Variants in NSMCE2 observed in about 807,000 individuals in gnomAD.
NSMCE2 encodes E3 SUMO-protein ligase NSE2.
Under a neutral mutation model 23.8 loss-of-function variants are expected in NSMCE2, and 24 were observed. The observed-to-expected ratio is 1.01, with a 90% CI of 0.73 to 1.42. The LOEUF is 1.42. NSMCE2 is among the 40% of genes most tolerant of loss of function. The pLI is 0.00. For missense variants in NSMCE2, 284 were observed against 296.5 expected (o/e 0.96, Z 0.31); for synonymous variants, 92 against 94.1 (o/e 0.98, Z 0.13).
intron 5 of NSMCE2, among the ~76,000 whole-genome samples, chr8:125,266,167 C>T (rs915614928): frequency 1.3e-5 from 2 of 151,012 alleles, no homozygotes; most frequent in Non-Finnish European, 2.9e-5. Flanking sequence ...TCTCCGCTCA[C>T]CGCAACCTCC....
At chr8:125,355,071 A>G (rs539986812) in intron 5 of NSMCE2, among the ~76,000 whole-genome samples, 5 of 152,334 alleles carry the variant, frequency 3.3e-5, no homozygotes, top group African/African-American at 9.6e-5. Context: ...ATATTTCATC[A>G]TGCTTATGCA....
At chr8:125,169,369 A>G (rs1030433563) in intron 4 of NSMCE2, among the ~76,000 whole-genome samples, 5 of 152,182 alleles carry the variant, frequency 3.3e-5, no homozygotes, top group African/African-American at 1.2e-4. Context: ...AACCACACAC[A>G]TAAACTTAAT....
At chr8:125,257,863 C>T (rs1826513125) in intron 5 of NSMCE2, among the ~76,000 whole-genome samples, 2 of 152,194 alleles carry the variant, frequency 1.3e-5, no homozygotes, top group South Asian at 4.2e-4. Context: ...TGGATAAGTG[C>T]ATGGAAAGTA....
intron 3 of NSMCE2, among the ~76,000 whole-genome samples, chr8:125,136,921 T>C (rs1820097861): frequency 6.6e-6 from 1 of 152,136 alleles, no homozygotes; most frequent in Non-Finnish European, 1.5e-5. Flanking sequence ...GAGACATCTT[T>C]TCAGAAACTT....
chr8:125,101,567 T>G (rs1818191814), intron 1 of NSMCE2, among the ~76,000 whole-genome samples: 1 of 152,216 alleles, frequency 6.6e-6, no homozygotes, highest in Non-Finnish European at 1.5e-5. Context: ...TCCCCACTTT[T>G]CTAGTTGGTT....
chr8:125,307,930 A>G (rs948357276), intron 5 of NSMCE2, among the ~76,000 whole-genome samples: 10 of 152,202 alleles, frequency 6.6e-5, no homozygotes, highest in African/African-American at 2.4e-4. Context: ...CAACATACAA[A>G]AACTGGGGGG....
intron 3 of NSMCE2, among the ~76,000 whole-genome samples, chr8:125,123,426 AT>A (rs1212218637): frequency 6.6e-6 from 1 of 152,260 alleles, no homozygotes; most frequent in Non-Finnish European, 1.5e-5. Flanking sequence ...TATAAATCTT[AT>A]TGCAGTTATT....
chr8:125,242,579 T>C (rs1336454539), intron 5 of NSMCE2, among the ~76,000 whole-genome samples: 1 of 151,840 alleles, frequency 6.6e-6, no homozygotes, highest in East Asian at 1.9e-4. Flanking sequence ...CATCCCATGC[T>C]AAGGAGGACC....
intron 5 of NSMCE2, among the ~76,000 whole-genome samples, chr8:125,273,273 A>G (rs1196965519): frequency 1.3e-5 from 2 of 152,230 alleles, no homozygotes; most frequent in East Asian, 3.8e-4. Flanking sequence ...AAATATGGGA[A>G]GGTAATTTCA....
At chr8:125,323,741 T>A (rs1456648011) in intron 5 of NSMCE2, among the ~76,000 whole-genome samples, 1 of 152,064 alleles carries the variant, frequency 6.6e-6, no homozygotes, top group Non-Finnish European at 1.5e-5. Context: ...GAAGAAAACA[T>A]AGGAGAAACT....
At chr8:125,245,684 T>C (rs1172727523) in intron 5 of NSMCE2, among the ~76,000 whole-genome samples, 2 of 151,790 alleles carry the variant, frequency 1.3e-5, no homozygotes, top group Non-Finnish European at 2.9e-5. Flanking sequence ...AGAAAAACAA[T>C]AAAATGATCA....
At chr8:125,329,198 G>A (rs1284753637) in intron 5 of NSMCE2, among the ~76,000 whole-genome samples, 2 of 152,134 alleles carry the variant, frequency 1.3e-5, no homozygotes, top group African/African-American at 2.4e-5. Context: ...CCCAGCAGCG[G>A]GCAATCCTTC....
At chr8:125,317,151 G>A (rs1178421505) in intron 5 of NSMCE2, among the ~76,000 whole-genome samples, 1 of 150,914 alleles carries the variant, frequency 6.6e-6, no homozygotes, top group Non-Finnish European at 1.5e-5. Flanking sequence ...AGTCCATCCT[G>A]GGAAAAAAAT....
At chr8:125,117,639 C>A (rs1040578853) in intron 3 of NSMCE2, among the ~76,000 whole-genome samples, 1 of 152,078 alleles carries the variant, frequency 6.6e-6, no homozygotes, top group Non-Finnish European at 1.5e-5. Flanking sequence ...CTCAGCCTCC[C>A]AAAGTAGCTG....
chr8:125,316,710 CTTT>C (rs1829209831), intron 5 of NSMCE2, among the ~76,000 whole-genome samples: 3 of 52,896 alleles, frequency 5.7e-5, no homozygotes, highest in Non-Finnish European at 1.1e-4. Flanking sequence ...TTCCTTCCTT[CTTT>C]CCTTCTTTCT....
intron 5 of NSMCE2, among the ~76,000 whole-genome samples, chr8:125,281,740 C>T (rs1225012189): frequency 4.0e-5 from 6 of 150,764 alleles, no homozygotes; most frequent in Non-Finnish European, 7.4e-5. Flanking sequence ...CGTGCACGGC[C>T]GTAACTTTTT....
chr8:125,097,818 G>A (rs1484732859), intron 1 of NSMCE2, among the ~76,000 whole-genome samples: 1 of 152,166 alleles, frequency 6.6e-6, no homozygotes, highest in East Asian at 1.9e-4. Context: ...TTAAGTCTTG[G>A]TGAAAAGTAG....
At chr8:125,173,341 T>C (rs1822316939) in intron 4 of NSMCE2, among the ~76,000 whole-genome samples, 2 of 152,204 alleles carry the variant, frequency 1.3e-5, no homozygotes, top group South Asian at 4.1e-4. Flanking sequence ...GGAGAAGATG[T>C]GTAACTAATT....
intron 5 of NSMCE2, among the ~76,000 whole-genome samples, chr8:125,202,113 A>G (rs1298627423): frequency 6.6e-6 from 1 of 152,226 alleles, no homozygotes; most frequent in Non-Finnish European, 1.5e-5. Flanking sequence ...TTCCAGGTAC[A>G]GTCTGTCACG....
Sources: allele counts gnomAD v4.1 joint callset (sites outside exome capture counted in the v4.1 genomes callset), GRCh38; gene constraint gnomAD v4.1.1; transcripts MANE v1.5; gene names NCBI Gene and HGNC (gene_info 2026-07-23, HGNC 2026-07-21).